PPP1R9A: variants seen among roughly 807,000 people sequenced by gnomAD.
PPP1R9A encodes the protein protein phosphatase 1 regulatory subunit 9A.
In PPP1R9A, 59 loss-of-function variants were observed where a neutral mutation model predicts 141.9. That is an observed-to-expected ratio of 0.42 (90% CI 0.34 to 0.52). The LOEUF is 0.52. Among genes scored for constraint, PPP1R9A ranks in the 20% least tolerant of loss-of-function variants. The pLI, the probability that PPP1R9A is intolerant of heterozygous loss-of-function variation, is 0.10. For synonymous variants in PPP1R9A, 500 were observed against 569.7 expected (o/e 0.88, Z 1.74); for missense variants, 1,444 against 1,611.9 (o/e 0.90, Z 1.78).
At position 95,063,154 on chromosome 7, in the gene PPP1R9A, G is replaced by C. The variant is rs138250183; in HGVS notation, c.1396-48105G>C. ...GACTCAAGGGAATGACTGGAGAAAAGTATCACTAATAGAGTATTTTGATGG... is the reference window on the plus strand; with the variant it reads ...GACTCAAGGGAATGACTGGAGAAAACTATCACTAATAGAGTATTTTGATGG... On this transcript the variant is annotated intron_variant, in intron 2 of 19. Coordinates refer to ENST00000433360, the MANE Select transcript of PPP1R9A (RefSeq NM_001166160.2). Among the ~76,000 whole-genome samples, 517 of 152,272 alleles carry C rather than the reference G, an allele frequency of 3.4e-3. 5 individuals are homozygous for C. Among genetic ancestry groups the C allele is most frequent in the African/African-American group, 0.011 (469 of 41,560 alleles).
At chr7:95,137,415 C>CAAAAAAAAAAAAAAAAAAAAAA (rs33928009) in intron 4 of PPP1R9A, among the ~76,000 whole-genome samples, 5 of 91,490 alleles carry the variant, frequency 5.5e-5, no homozygotes, top group African/African-American at 1.7e-4. Context: ...GACATGAACT[C>CAAAAAAAAAAAAAAAAAAAAAA]AAAAAAAAAA....
In PPP1R9A at chr7:95,290,366, C is replaced by G; in HGVS notation, c.*63C>G. On this transcript the variant is annotated 3_prime_UTR_variant, in exon 20 of 20. Coordinates refer to ENST00000433360, the MANE Select transcript of PPP1R9A (RefSeq NM_001166160.2). ...GAAGTCCCCACCTCTTCCTGCCCTG[C>G]TCTCCTCCAGAGGATGAAAAAGAAA... 6.7e-7 allele frequency: 1 copy of G among 1,498,114 alleles called. No individual in the cohort carries two copies. Among genetic ancestry groups the G allele is most frequent in the Non-Finnish European group, 9.0e-7 (1 of 1,107,000 alleles). 92.8% of individuals were successfully genotyped at this position (1,498,114 alleles called of 1,614,324 possible).
chr7:94,935,216 C>A lies in PPP1R9A; in HGVS notation c.1395+23708C>A, dbSNP rs80223037. 6.7e-4 allele frequency among the ~76,000 whole-genome samples: 102 copies of A among 152,276 alleles called. 1 individual carries two copies. In the East Asian group the frequency reaches 0.017, roughly 26 times the overall value. The stretch of plus-strand genomic sequence containing the variant: ...TTGGTCACCTTCAATTCCTTCTCAT[C>A]TCTCCGCCAAAGTATGAAAAGAAGA... On this transcript the variant is annotated intron_variant, in intron 2 of 19. Transcript: ENST00000433360.
chr7:95,189,774 G>T (rs1207996860), intron 5 of PPP1R9A, among the ~76,000 whole-genome samples: 1 of 152,070 alleles, frequency 6.6e-6, no homozygotes, highest in Non-Finnish European at 1.5e-5. Flanking sequence ...GTCTTTTTCT[G>T]ATTGGGTTAA....
At chr7:94,951,177 G>C (rs1796431235) in intron 2 of PPP1R9A, among the ~76,000 whole-genome samples, 1 of 151,800 alleles carries the variant, frequency 6.6e-6, no homozygotes, top group South Asian at 2.1e-4. Context: ...TTCCAATAAT[G>C]ATAGTTTATT....
chr7:94,985,739 G>C (rs747134613), intron 2 of PPP1R9A, among the ~76,000 whole-genome samples: 1 of 151,982 alleles, frequency 6.6e-6, no homozygotes, highest in African/African-American at 2.4e-5. Context: ...ACGTGAGATA[G>C]GTCTTAGAGG....
At chr7:95,165,012 C>T (rs1831031347) in intron 5 of PPP1R9A, among the ~76,000 whole-genome samples, 2 of 152,108 alleles carry the variant, frequency 1.3e-5, no homozygotes, top group African/African-American at 2.4e-5. Context: ...TGTCACATGA[C>T]ATACAATTGG....
intron 2 of PPP1R9A, among the ~76,000 whole-genome samples, chr7:95,042,860 C>T (rs1378504785): frequency 6.6e-6 from 1 of 151,982 alleles, no homozygotes; most frequent in Non-Finnish European, 1.5e-5. Context: ...CAGAGTTTAG[C>T]TGATGACTCT....
intron 2 of PPP1R9A, among the ~76,000 whole-genome samples, chr7:94,944,964 A>G (rs921788332): frequency 3.3e-5 from 5 of 152,078 alleles, no homozygotes; most frequent in Non-Finnish European, 7.4e-5. Context: ...TGATAAGACT[A>G]AAAGCTTTTT....
intron 5 of PPP1R9A, among the ~76,000 whole-genome samples, chr7:95,188,609 T>G (rs1214733596): frequency 1.3e-5 from 2 of 151,076 alleles, no homozygotes; most frequent in Non-Finnish European, 3.0e-5. Context: ...TGTTTTTTTT[T>G]TTTTTTTGAG....
chr7:95,134,749 G>T (rs544536643), intron 4 of PPP1R9A, among the ~76,000 whole-genome samples: 1 of 152,132 alleles, frequency 6.6e-6, no homozygotes, highest in African/African-American at 2.4e-5. Flanking sequence ...TTAGACTCTT[G>T]ATAAGTATTC....
chr7:95,254,903 A>G (rs1799369940), intron 12 of PPP1R9A, among the ~76,000 whole-genome samples: 1 of 152,202 alleles, frequency 6.6e-6, no homozygotes, highest in Admixed American at 6.5e-5. Flanking sequence ...TTTCTCACTA[A>G]AACCTAAGCC....
rs116144798 is a variant in PPP1R9A at position 94,931,433 on chromosome 7, A to G, written c.1395+19925A>G. Among the ~76,000 whole-genome samples, 643 of 152,350 alleles carry G rather than the reference A, an allele frequency of 4.2e-3. 4 individuals carry two copies. The highest frequency in any genetic ancestry group is 0.015 in the African/African-American group (627 of 41,580). On this transcript the variant is annotated intron_variant, in intron 2 of 19. Transcript: ENST00000433360. ...CGGAAACAGATATCATATTATAAAA[A>G]TACTACAATTAGTCATGAAAATGAA...
chr7:94,920,779 G>A (rs1792694441), intron 2 of PPP1R9A, among the ~76,000 whole-genome samples: 1 of 152,198 alleles, frequency 6.6e-6, no homozygotes, highest in Non-Finnish European at 1.5e-5. Context: ...TTCTTTACAG[G>A]AATAAGCAGT....
intron 16 of PPP1R9A, among the ~76,000 whole-genome samples, chr7:95,277,019 A>C (rs1284866562): frequency 3.3e-5 from 5 of 152,190 alleles, no homozygotes. Context: ...GCAGGGTCGC[A>C]CTATGATTGT....
At chr7:95,133,513 T>TTA (rs10570222) in intron 4 of PPP1R9A, among the ~76,000 whole-genome samples, 5,154 of 132,550 alleles carry the variant, frequency 0.039, 117 homozygotes, top group African/African-American at 0.064. Flanking sequence ...TGCAGTCGTA[T>TTA]TATATATATA....
chr7:95,146,716 G>T (rs1425886248), intron 4 of PPP1R9A, among the ~76,000 whole-genome samples: 1 of 152,130 alleles, frequency 6.6e-6, no homozygotes, highest in Non-Finnish European at 1.5e-5. Flanking sequence ...TCTGCATATA[G>T]CTAGCTAGTT....
chr7:95,264,457 A>G (rs910630406), intron 12 of PPP1R9A, among the ~76,000 whole-genome samples: 1 of 152,154 alleles, frequency 6.6e-6, no homozygotes, highest in African/African-American at 2.4e-5. Flanking sequence ...AAAAAACTGT[A>G]TGACTCACAG....
chr7:95,076,887 T>C lies in PPP1R9A; in HGVS notation c.1396-34372T>C, dbSNP rs1343191929. On this transcript the variant is annotated intron_variant, in intron 2 of 19. Coordinates refer to ENST00000433360, the MANE Select transcript of PPP1R9A (RefSeq NM_001166160.2). ...TGACTTCTTAGTTACACTGCTAATC[T>C]TTTCCAGTTTATTTTTTAGTTATAT... Among the ~76,000 whole-genome samples, 35 of 152,100 alleles carry C rather than the reference T, an allele frequency of 2.3e-4. 1 individual carries two copies. Among genetic ancestry groups the C allele is most frequent in the Non-Finnish European group, 4.4e-5 (3 of 67,978 alleles).
Sources: allele counts gnomAD v4.1 joint callset (sites outside exome capture counted in the v4.1 genomes callset), GRCh38; gene constraint gnomAD v4.1.1; transcripts MANE v1.5; gene names NCBI Gene and HGNC (gene_info 2026-07-23, HGNC 2026-07-21).